POC5: variants seen among roughly 807,000 people sequenced by gnomAD.
The protein encoded by POC5 is POC5 centriolar protein.
In POC5, 48 loss-of-function variants were observed where a neutral mutation model predicts 62.9. That is an observed-to-expected ratio of 0.76 (90% CI 0.61 to 0.97). POC5 has a LOEUF of 0.97. Ranked by LOEUF, POC5 falls within the 50% of genes least tolerant of loss-of-function variation. POC5 has a pLI of 0.00. For missense variants in POC5, 696 were observed against 679.5 expected, an observed-to-expected ratio of 1.02 and a Z score of -0.27; for synonymous variants, 236 against 228.2, an observed-to-expected ratio of 1.03 and a Z score of -0.31.
chr5:75,692,398 C>A lies in POC5; in HGVS notation c.793G>T (p.Asp265Tyr). Reference sequence around the variant, plus strand: ...CTGTCTTCTGCTTTGACACTTACATCCTGTCTGGCTCTGACATGGCCGATT... The same window carrying A: ...CTGTCTTCTGCTTTGACACTTACATACTGTCTGGCTCTGACATGGCCGATT... ...WRIGHVRARQ[D>Y]VYEGKLADQY... Residue 265 changes from aspartate to tyrosine, a missense_variant and splice_region_variant, in exon 7 of 12, where the codon GAT (aspartate) becomes TAT (tyrosine). Asp to Tyr is a radical substitution (Grantham distance 160). Coordinates refer to ENST00000428202, the MANE Select transcript of POC5 (RefSeq NM_001099271.2). The A allele has an allele frequency of 6.3e-7, 1 of 1,580,246 alleles. No homozygotes were observed. The highest frequency in any genetic ancestry group is 8.6e-7 in the Non-Finnish European group (1 of 1,162,020).
In POC5 at chr5:75,689,537, A is replaced by G. The variant is rs184952519; in HGVS notation, c.976-372T>C. The G allele has an allele frequency of 9.6e-5, 94 of 983,536 alleles. No homozygotes were observed. The East Asian group carries it at 9.3e-3, about 97-fold the overall frequency. 60.9% of individuals were successfully genotyped at this position (983,536 alleles called of 1,614,324 possible). A position where few individuals can be genotyped will look rare whatever the true frequency, so the allele number is the denominator to read the frequency against. ...CAGCCCTTTCAGAAAAAAATAAAAT[A>G]AACTACATGCCTGCAATATTAACAG... On this transcript the variant is annotated intron_variant, in intron 8 of 11. Coordinates refer to ENST00000428202, the MANE Select transcript of POC5 (RefSeq NM_001099271.2).
At chr5:75,715,872 G>A (rs998329382) in intron 1 of POC5, among the ~76,000 whole-genome samples, 1 of 152,196 alleles carries the variant, frequency 6.6e-6, no homozygotes, top group African/African-American at 2.4e-5. Context: ...GTCAGCAAAG[G>A]AAGTCAGAAC....
intron 10 of POC5, among the ~76,000 whole-genome samples, chr5:75,678,611 T>TC (rs1270504749): frequency 2.6e-5 from 4 of 151,874 alleles, no homozygotes; most frequent in Non-Finnish European, 5.9e-5. Context: ...TTAATATACT[T>TC]TTTTTTACGA....
intron 10 of POC5, among the ~76,000 whole-genome samples, chr5:75,683,423 C>T (rs1775946396): frequency 6.6e-6 from 1 of 151,888 alleles, no homozygotes; most frequent in Middle Eastern, 3.2e-3. Flanking sequence ...TTAGTAGAGA[C>T]AGGATTTCAC....
intron 9 of POC5, among the ~76,000 whole-genome samples, chr5:75,688,401 T>C (rs916851323): frequency 2.6e-5 from 4 of 152,200 alleles, no homozygotes; most frequent in Non-Finnish European, 4.4e-5. Flanking sequence ...AACAGGCCCC[T>C]GGGTAAATTG....
intron 5 of POC5, among the ~76,000 whole-genome samples, chr5:75,697,753 A>T (rs1172299750): frequency 6.6e-6 from 1 of 152,058 alleles, no homozygotes; most frequent in Non-Finnish European, 1.5e-5. Context: ...AAATGCTCCA[A>T]TTAAAAGACA....
intron 3 of POC5, among the ~76,000 whole-genome samples, chr5:75,707,098 T>C (rs1391151477): frequency 6.6e-6 from 1 of 152,220 alleles, no homozygotes; most frequent in Non-Finnish European, 1.5e-5. Flanking sequence ...TTAGGAAGGC[T>C]TTCTGTGCCC....
At chr5:75,706,254 A>G (rs1777116671) in intron 3 of POC5, among the ~76,000 whole-genome samples, 1 of 152,240 alleles carries the variant, frequency 6.6e-6, no homozygotes, top group East Asian at 1.9e-4. Context: ...AAACCTCTCA[A>G]GAATGACTGT....
At chr5:75,712,777 A>T (rs181787382) in intron 2 of POC5, 77 bp downstream of exon 2, 237 of 1,137,370 alleles carry the variant, frequency 2.1e-4, no homozygotes, top group Non-Finnish European at 2.8e-4. Context: ...AAAAATTATT[A>T]AAAAATCCTA....
intron 5 of POC5, among the ~76,000 whole-genome samples, chr5:75,697,455 T>C (rs1254995028): frequency 6.6e-6 from 1 of 151,946 alleles, no homozygotes; most frequent in African/African-American, 2.4e-5. Flanking sequence ...CCAGCCAAAC[T>C]AAGCTTCATA....
At chr5:75,710,061 G>A (rs1489669312) in intron 2 of POC5, among the ~76,000 whole-genome samples, 2 of 152,104 alleles carry the variant, frequency 1.3e-5, no homozygotes, top group Admixed American at 1.3e-4. Context: ...TCTTCCCATG[G>A]GCTAGTGGTA....
chr5:75,695,476 G>A (rs1383437260), intron 5 of POC5, among the ~76,000 whole-genome samples: 3 of 152,064 alleles, frequency 2.0e-5, no homozygotes, highest in Non-Finnish European at 4.4e-5. Flanking sequence ...TTCCAAGGGG[G>A]GAAAATGGTA....
In POC5 at chr5:75,713,989, A is replaced by C. The variant is rs1777449637; in HGVS notation, c.-14-1038T>G. On this transcript the variant is annotated intron_variant, in intron 1 of 11. Transcript: ENST00000428202. Reference sequence around the variant, plus strand: ...AAGGTCAAAACTTGTCATATTAAAAATCTGGGTGTTTATTCTAGACAAGTT... The same window carrying C: ...AAGGTCAAAACTTGTCATATTAAAACTCTGGGTGTTTATTCTAGACAAGTT... Among the ~76,000 whole-genome samples the C allele has an allele frequency of 2.6e-5, 4 of 152,372 alleles. No homozygotes were observed. The South Asian group carries it at 8.3e-4, about 32-fold the overall frequency.
rs367753964 is a variant in POC5, at chr5:75,698,914, G to C, written c.513+3691C>G. On this transcript the variant is annotated intron_variant, in intron 5 of 11. Coordinates refer to ENST00000428202, the MANE Select transcript of POC5 (RefSeq NM_001099271.2). ...ACCACCAATCCCACAGAAATACAAA[G>C]TACCATCAGAGAATACTACAAACAC... 1.0e-3 allele frequency among the ~76,000 whole-genome samples: 158 copies of C among 150,730 alleles called. 2 individuals carry two copies. The highest frequency in any genetic ancestry group is 2.6e-3 in the Admixed American group (40 of 15,136).
At chr5:75,703,508 C>A (rs745766226) in intron 4 of POC5, among the ~76,000 whole-genome samples, 14 of 152,006 alleles carry the variant, frequency 9.2e-5, no homozygotes, top group Non-Finnish European at 1.9e-4. Context: ...CACCTATAGT[C>A]CCAGCTACTC....
At chr5:75,699,876 G>C (rs1776790702) in intron 5 of POC5, among the ~76,000 whole-genome samples, 2 of 150,352 alleles carry the variant, frequency 1.3e-5, no homozygotes. Flanking sequence ...AAAGTCTCAG[G>C]ATACAAAATC....
chr5:75,709,564 C>T (rs1052462545), intron 2 of POC5: 1 of 152,100 alleles, frequency 6.6e-6, no homozygotes, highest in African/African-American at 2.4e-5. Flanking sequence ...TTCTGTGTGG[C>T]TCCAGTTTTA....
chr5:75,699,519 C>G (rs939651142), intron 5 of POC5, among the ~76,000 whole-genome samples: 167 of 143,418 alleles, frequency 1.2e-3, no homozygotes, highest in African/African-American at 3.8e-3. Flanking sequence ...ATTCAACAAC[C>G]CTTCATGCTA....
chr5:75,698,341 A>G (rs527927378), intron 5 of POC5, among the ~76,000 whole-genome samples: 2 of 152,072 alleles, frequency 1.3e-5, no homozygotes, highest in South Asian at 4.2e-4. Flanking sequence ...CAGCAAATGT[A>G]AAAGAACAGA....
Sources: allele counts gnomAD v4.1 joint callset (sites outside exome capture counted in the v4.1 genomes callset), GRCh38; gene constraint gnomAD v4.1.1; transcripts MANE v1.5; gene names NCBI Gene and HGNC (gene_info 2026-07-23, HGNC 2026-07-21).